The following ADAMTS3 variants were observed in gnomAD, a reference collection of about 807,000 sequenced individuals.
ADAMTS3 encodes the protein ADAM metallopeptidase with thrombospondin type 1 motif 3, also known as A disintegrin and metalloproteinase with thrombospondin motifs 3.
ADAMTS3 carries 73 observed loss-of-function variants against 129.0 expected under a neutral mutation model. The observed-to-expected ratio is 0.57, with a 90% confidence interval of 0.47 to 0.69. The LOEUF is 0.69. ADAMTS3 is among the 30% of genes least tolerant of loss of function. The pLI is 0.00. For synonymous variants in ADAMTS3, 477 were observed against 510.8 expected, an observed-to-expected ratio of 0.93 and a Z score of 0.89; for missense variants, 1,457 against 1,514.5, an observed-to-expected ratio of 0.96 and a Z score of 0.63.
At chr4:72,335,700 G>A (rs1719971402) in intron 5 of ADAMTS3, among the ~76,000 whole-genome samples, 1 of 151,716 alleles carries the variant, frequency 6.6e-6, no homozygotes, top group Admixed American at 6.6e-5. Flanking sequence ...GTTTCCTTTG[G>A]AAAAATTGTA....
chr4:72,298,707 C>T (rs1578561012), intron 17 of ADAMTS3, among the ~76,000 whole-genome samples: 1 of 151,676 alleles, frequency 6.6e-6, no homozygotes, highest in Non-Finnish European at 1.5e-5. Flanking sequence ...AAAATAATAA[C>T]TTTATAAGGT....
At chr4:72,562,004 G>A (rs1401146) in intron 2 of ADAMTS3, among the ~76,000 whole-genome samples, 146,874 of 152,288 alleles carry the variant, frequency 0.96, 71,063 homozygotes, top group East Asian at 1. Flanking sequence ...GAAACTTCCC[G>A]TGCTTCACTG....
chr4:72,481,967 ACACTAT>A (rs1432036723), intron 3 of ADAMTS3, among the ~76,000 whole-genome samples: 1 of 152,142 alleles, frequency 6.6e-6, no homozygotes, highest in Admixed American at 6.6e-5. Context: ...CTATGACTAC[ACACTAT>A]CATAAAGGCA....
chr4:72,375,320 T>C (rs1721109362), intron 4 of ADAMTS3, among the ~76,000 whole-genome samples: 1 of 152,204 alleles, frequency 6.6e-6, no homozygotes, highest in Non-Finnish European at 1.5e-5. Flanking sequence ...GGGAGTTCTG[T>C]GTATCCAATT....
chr4:72,287,982 C>T (rs536916970), intron 21 of ADAMTS3, among the ~76,000 whole-genome samples: 3 of 152,340 alleles, frequency 2.0e-5, no homozygotes, highest in Non-Finnish European at 4.4e-5. Flanking sequence ...TCTCCTGCCT[C>T]TGCCTCCCAA....
At chr4:72,456,959 G>A (rs1418600933) in intron 3 of ADAMTS3, among the ~76,000 whole-genome samples, 3 of 151,634 alleles carry the variant, frequency 2.0e-5, no homozygotes, top group Non-Finnish European at 4.4e-5. Flanking sequence ...TTGGAAGATC[G>A]TAGTCTTAAG....
chr4:72,288,759 G>A lies in ADAMTS3; in HGVS notation c.3041C>T (p.Pro1014Leu). 2 of 1,609,716 alleles carry A rather than the reference G, an allele frequency of 1.2e-6. No homozygotes were observed. Among genetic ancestry groups the A allele is most frequent in the South Asian group, 1.1e-5 (1 of 91,008 alleles). The part of the protein sequence containing the change: ...PESVRACQLP[P>L]CNDEPCLGDK... The stretch of plus-strand genomic sequence containing the variant: ...ATTGGTGTGACACCTACCATTACAA[G>A]GAGGCAGTTGACAGGCTCTGACCGA... The change falls in exon 21 of 22, where the codon CCT becomes CTT. Residue 1014 changes from proline (P) to leucine (L), a missense_variant. Physicochemically the swap from Pro to Leu is moderately conservative, Grantham distance 98. Coordinates refer to ENST00000286657, the MANE Select transcript of ADAMTS3 (RefSeq NM_014243.3).
chr4:72,364,007 GCTA>G (rs1720798635), intron 4 of ADAMTS3, among the ~76,000 whole-genome samples: 1 of 151,990 alleles, frequency 6.6e-6, no homozygotes, highest in Admixed American at 6.6e-5. Context: ...GAAAATGATG[GCTA>G]CCCTTTAATA....
intron 4 of ADAMTS3, among the ~76,000 whole-genome samples, chr4:72,364,880 C>A (rs1056227726): frequency 2.0e-5 from 3 of 152,058 alleles, no homozygotes; most frequent in Admixed American, 2.0e-4. Context: ...TGAGCCACCG[C>A]ACTAGGCCAA....
intron 4 of ADAMTS3, among the ~76,000 whole-genome samples, chr4:72,383,016 G>A (rs1029977124): frequency 1.1e-4 from 16 of 151,516 alleles, no homozygotes; most frequent in African/African-American, 3.2e-4. Context: ...TGCACCCCCT[G>A]AATTTATAAT....
In ADAMTS3 at chr4:72,301,694, A is replaced by G. The variant is rs150608195; in HGVS notation, c.2424+2223T>C. On this transcript the variant is annotated intron_variant, in intron 17 of 21. Transcript: ENST00000286657. ...GATATTAAAAGCTATAAAACTGGGC[A>G]AAATATTTGCAGAAACTTTTTTTTT... 3.6e-3 allele frequency among the ~76,000 whole-genome samples: 545 copies of G among 152,182 alleles called. 8 individuals carry two copies. The highest frequency in any genetic ancestry group is 0.016 in the East Asian group (82 of 5,172).
intron 4 of ADAMTS3, among the ~76,000 whole-genome samples, chr4:72,411,200 T>C (rs1393666439): frequency 6.6e-6 from 1 of 152,154 alleles, no homozygotes; most frequent in African/African-American, 2.4e-5. Context: ...ATTGATTGAT[T>C]GTTTTTGTGT....
At chr4:72,438,823 T>C (rs575560604) in intron 3 of ADAMTS3, among the ~76,000 whole-genome samples, 1 of 151,874 alleles carries the variant, frequency 6.6e-6, no homozygotes, top group Admixed American at 6.6e-5. Flanking sequence ...GGACAACTGG[T>C]CGCCCTCTCT....
intron 3 of ADAMTS3, among the ~76,000 whole-genome samples, chr4:72,418,512 C>G (rs1722366475): frequency 6.6e-6 from 1 of 152,116 alleles, no homozygotes; most frequent in Non-Finnish European, 1.5e-5. Context: ...GTGGCTCTAT[C>G]ATCTTAATAT....
intron 15 of ADAMTS3, among the ~76,000 whole-genome samples, chr4:72,306,880 A>G (rs1719102061): frequency 6.6e-6 from 1 of 151,956 alleles, no homozygotes; most frequent in African/African-American, 2.4e-5. Context: ...TGATACTATC[A>G]CATGTCCTAA....
At chr4:72,453,836 G>C (rs1180045786) in intron 3 of ADAMTS3, among the ~76,000 whole-genome samples, 1 of 150,842 alleles carries the variant, frequency 6.6e-6, no homozygotes, top group Non-Finnish European at 1.5e-5. Flanking sequence ...TGAACATCAG[G>C]AGTTAAAAGC....
At chr4:72,434,761 C>G (rs1282956852) in intron 3 of ADAMTS3, among the ~76,000 whole-genome samples, 2 of 151,862 alleles carry the variant, frequency 1.3e-5, no homozygotes. Context: ...GTGGGACTGA[C>G]TTCAGCAGGT....
chr4:72,561,817 A>G (rs1721911630), intron 2 of ADAMTS3, among the ~76,000 whole-genome samples: 1 of 152,248 alleles, frequency 6.6e-6, no homozygotes, highest in Non-Finnish European at 1.5e-5. Flanking sequence ...AATTTGTTCT[A>G]AATTCCATGC....
intron 3 of ADAMTS3, among the ~76,000 whole-genome samples, chr4:72,520,512 C>G (rs1377400538): frequency 1.3e-5 from 2 of 152,238 alleles, no homozygotes; most frequent in East Asian, 3.9e-4. Flanking sequence ...AGCTTCCCGG[C>G]TGCTTTGTTT....
Sources: allele counts gnomAD v4.1 joint callset (sites outside exome capture counted in the v4.1 genomes callset), GRCh38; gene constraint gnomAD v4.1.1; transcripts MANE v1.5; gene names NCBI Gene and HGNC (gene_info 2026-07-23, HGNC 2026-07-21).